Variants in DAB1 observed in about 807,000 individuals in gnomAD.
DAB1 encodes disabled homolog 1.
DAB1 carries 15 observed loss-of-function variants against 64.6 expected under a neutral mutation model. The ratio of observed to expected loss-of-function variants is 0.23; its 90% CI spans 0.16 to 0.36. DAB1 has a LOEUF of 0.36. Among genes scored for constraint, DAB1 ranks in the 10% least tolerant of loss-of-function variants. The pLI is 1.00. For synonymous variants in DAB1, 235 were observed against 251.9 expected (o/e 0.93, Z 0.64); for missense variants, 596 against 706.7 (o/e 0.84, Z 1.78).
At chr1:57,435,272 C>T (rs558539600) in intron 7 of DAB1, among the ~76,000 whole-genome samples, 1 of 152,160 alleles carries the variant, frequency 6.6e-6, no homozygotes, top group African/African-American at 2.4e-5. Flanking sequence ...TGGTCTTGAA[C>T]TCCTGAGCTC....
At chr1:58,022,362 C>T (rs1476764572) in intron 5 of DAB1, among the ~76,000 whole-genome samples, 2 of 152,152 alleles carry the variant, frequency 1.3e-5, no homozygotes, top group Non-Finnish European at 2.9e-5. Flanking sequence ...TCAAGTGAGG[C>T]CTCAGGAAGG....
At chr1:57,954,486 G>A (rs376768546) in intron 5 of DAB1, among the ~76,000 whole-genome samples, 28 of 152,244 alleles carry the variant, frequency 1.8e-4, no homozygotes, top group Admixed American at 4.6e-4. Context: ...TCAGCCTCAA[G>A]AAGAAAGCGA....
At chr1:58,121,465 C>T (rs1157998623) in intron 5 of DAB1, among the ~76,000 whole-genome samples, 1 of 152,144 alleles carries the variant, frequency 6.6e-6, no homozygotes, top group Admixed American at 6.5e-5. Flanking sequence ...TTCTCCATTT[C>T]CCCTACCACC....
At position 57,018,392 on chromosome 1, in the gene DAB1, G is replaced by A. The variant is rs114838292; in HGVS notation, c.896-2961C>T. Among the ~76,000 whole-genome samples the A allele has an allele frequency of 5.0e-3, 767 of 152,146 alleles. 11 individuals carry two copies. Among genetic ancestry groups the A allele is most frequent in the African/African-American group, 0.016 (683 of 41,496 alleles). Reference sequence around the variant, plus strand: ...CTCTTATGTCTTCTAGTGTGCTCACGCCTGAGTATTTCCTTATTTAAATAC... The same window carrying A: ...CTCTTATGTCTTCTAGTGTGCTCACACCTGAGTATTTCCTTATTTAAATAC... On this transcript the variant is annotated intron_variant, in intron 11 of 14. Coordinates refer to ENST00000371236, the MANE Select transcript of DAB1 (RefSeq NM_001365792.1).
intron 3 of DAB1, among the ~76,000 whole-genome samples, chr1:58,398,811 G>C (rs1349722533): frequency 6.6e-6 from 1 of 152,182 alleles, no homozygotes; most frequent in Non-Finnish European, 1.5e-5. Flanking sequence ...CTATACAGGG[G>C]TGAATGGAAA....
At chr1:57,019,397 A>G (rs553324680) in intron 11 of DAB1, among the ~76,000 whole-genome samples, 1 of 152,020 alleles carries the variant, frequency 6.6e-6, no homozygotes, top group Non-Finnish European at 1.5e-5. Context: ...GGCTGTGCAC[A>G]CTTTTCTGGA....
rs995685079 is a variant in DAB1, at chr1:57,909,045, G to C, written n.388-24883C>G. On this transcript the variant is annotated intron_variant and non_coding_transcript_variant, in intron 5 of 20. Coordinates refer to the DAB1 transcript ENST00000485760. ...CAAGACATCATCGAAGAGAGTGCAG[G>C]AGGCTCCTTTAGGGTAGAGGGCAGA... Among the ~76,000 whole-genome samples the C allele has an allele frequency of 2.6e-5, 4 of 152,204 alleles. No homozygotes were observed. In the East Asian group the frequency reaches 7.7e-4, roughly 29 times the overall value.
intron 12 of DAB1, among the ~76,000 whole-genome samples, chr1:57,012,737 C>A (rs1171672446): frequency 2.6e-5 from 4 of 151,912 alleles, no homozygotes; most frequent in Non-Finnish European, 5.9e-5. Context: ...ATGCAAACAC[C>A]CTGAAGGGTA....
chr1:58,381,801 A>G (rs1039554718), intron 3 of DAB1, among the ~76,000 whole-genome samples: 1 of 152,234 alleles, frequency 6.6e-6, no homozygotes, highest in African/African-American at 2.4e-5. Flanking sequence ...GCAGTTGGAC[A>G]ATACAAGTCT....
chr1:57,518,953 A>G (rs1291863802), intron 7 of DAB1, among the ~76,000 whole-genome samples: 3 of 152,136 alleles, frequency 2.0e-5, no homozygotes, highest in Admixed American at 6.5e-5. Flanking sequence ...AGTGGCTACA[A>G]CATCTGACTT....
At chr1:57,823,778 T>C (rs1652229239), downstream of DAB1, among the ~76,000 whole-genome samples, 1 of 152,100 alleles carries the variant, frequency 6.6e-6, no homozygotes, top group Admixed American at 6.5e-5. Context: ...GCATGAGGCA[T>C]ATGTCATCTA....
chr1:58,306,323 G>A (rs1031113137), intron 4 of DAB1, among the ~76,000 whole-genome samples: 11 of 152,078 alleles, frequency 7.2e-5, no homozygotes, highest in Non-Finnish European at 1.5e-4. Context: ...ATTTGGGGGA[G>A]GATATTGAAA....
At chr1:57,345,608 A>G (rs563044912) in intron 1 of DAB1, among the ~76,000 whole-genome samples, 1 of 152,334 alleles carries the variant, frequency 6.6e-6, no homozygotes, top group South Asian at 2.1e-4. Flanking sequence ...CAGAAATTCT[A>G]CAATCTTTCA....
intron 5 of DAB1, among the ~76,000 whole-genome samples, chr1:57,943,993 G>T (rs551599448): frequency 3.1e-4 from 47 of 152,262 alleles, no homozygotes; most frequent in Non-Finnish European, 6.3e-4. Context: ...ACAACTCTAT[G>T]TTAAGACTTA....
chr1:57,138,121 T>C lies in DAB1; in HGVS notation c.208-1480A>G, dbSNP rs575588044. On this transcript the variant is annotated intron_variant, in intron 3 of 14. Transcript: ENST00000371236. Reference sequence around the variant, plus strand: ...GAAAATACATGAATGTCCATTACAGTTTGTGTTTCAGTTCCTGTTTAGACA... The same window carrying C: ...GAAAATACATGAATGTCCATTACAGCTTGTGTTTCAGTTCCTGTTTAGACA... Among the ~76,000 whole-genome samples the C allele has an allele frequency of 2.0e-5, 3 of 152,268 alleles. No individual in the cohort carries two copies. In the South Asian group the frequency reaches 6.2e-4, roughly 32 times the overall value.
rs1306926165 is a variant in DAB1 at position 58,086,751 on chromosome 1, G to A, written n.387+63760C>T. Among the ~76,000 whole-genome samples, 7 of 151,814 alleles carry A rather than the reference G, an allele frequency of 4.6e-5. 1 individual carries two copies. In the South Asian group the frequency reaches 1.5e-3, roughly 32 times the overall value. The stretch of plus-strand genomic sequence containing the variant: ...TGAATTCTCATGCCTCTGTACTTCT[G>A]CTTCTGCTGTTCCTTCTGCTTGGAA... On this transcript the variant is annotated intron_variant and non_coding_transcript_variant, in intron 5 of 20. Transcript: ENST00000485760.
intron 3 of DAB1, among the ~76,000 whole-genome samples, chr1:58,485,021 C>T (rs1335720306): frequency 6.6e-6 from 1 of 151,828 alleles, no homozygotes; most frequent in Non-Finnish European, 1.5e-5. Context: ...ATGTACAGCA[C>T]CAAGAGTAAA....
At chr1:58,351,285 C>A (rs1421527742) in intron 3 of DAB1, among the ~76,000 whole-genome samples, 1 of 152,082 alleles carries the variant, frequency 6.6e-6, no homozygotes, top group South Asian at 2.1e-4. Context: ...ATTTTTGGCT[C>A]ATAAACCCAT....
chr1:57,274,391 A>G (rs961737408), intron 2 of DAB1, among the ~76,000 whole-genome samples: 2 of 152,152 alleles, frequency 1.3e-5, no homozygotes, highest in Admixed American at 6.5e-5. Context: ...CCTCCCACAA[A>G]TTTCAGTTTC....
Sources: gnomAD v4.1 joint callset for allele counts (sites outside exome capture counted in the v4.1 genomes callset) on GRCh38, gnomAD v4.1.1 for gene constraint, MANE v1.5 for transcripts, NCBI Gene and HGNC (gene_info 2026-07-23, HGNC 2026-07-21) for gene names.